The following DCHS2 variants were observed in gnomAD, a reference collection of about 807,000 sequenced individuals.
DCHS2 encodes the protein protocadherin-23.
DCHS2 carries 142 observed loss-of-function variants against 182.4 expected under a neutral mutation model. The observed-to-expected ratio is 0.78, with a 90% CI of 0.68 to 0.89. The LOEUF is 0.89. Among genes scored for constraint, DCHS2 ranks in the 40% least tolerant of loss-of-function variants. The pLI is 0.00. For synonymous variants in DCHS2, 1,740 were observed against 1,663.3 expected (o/e 1.05, Z -1.12); for missense variants, 4,319 against 4,198.6 (o/e 1.03, Z -0.79).
intron 1 of DCHS2, 47 bp downstream of exon 1, chr4:154,489,257 A>T (rs13121403): frequency 3.7e-5 from 53 of 1,418,798 alleles, no homozygotes; most frequent in Non-Finnish European, 4.6e-5. Flanking sequence ...AACCCTCTCC[A>T]TCCCTTCCCA....
At chr4:154,262,034 G>C (rs1733010429) in intron 14 of DCHS2, 1 of 152,178 alleles carries the variant, frequency 6.6e-6, no homozygotes, top group Non-Finnish European at 1.5e-5. Context: ...CCACCAAAAA[G>C]AGCACTTGCC....
intron 1 of DCHS2, among the ~76,000 whole-genome samples, chr4:154,422,039 G>A (rs541719171): frequency 6.6e-6 from 1 of 152,022 alleles, no homozygotes; most frequent in South Asian, 2.1e-4. Flanking sequence ...AAGTTTCTTC[G>A]CCTAATTTCA....
intron 14 of DCHS2, among the ~76,000 whole-genome samples, chr4:154,263,020 CAG>C (rs1733060533): frequency 2.0e-5 from 3 of 152,270 alleles, no homozygotes; most frequent in South Asian, 4.1e-4. Flanking sequence ...TGACAGAAAA[CAG>C]AGTTCTCATC....
chr4:154,323,126 A>G, intron 7 of DCHS2: 1 of 1,425,734 alleles, frequency 7.0e-7, no homozygotes, highest in Non-Finnish European at 9.3e-7. Flanking sequence ...TTGTATCCTG[A>G]CATTTTCCAT....
intron 1 of DCHS2, among the ~76,000 whole-genome samples, chr4:154,389,486 G>C (rs1731571721): frequency 8.9e-6 from 1 of 112,482 alleles, no homozygotes; most frequent in Non-Finnish European, 2.0e-5. Flanking sequence ...ATGTATTGCT[G>C]TCTCTATGTT....
intron 16 of DCHS2, among the ~76,000 whole-genome samples, chr4:154,254,306 A>C (rs1732537905): frequency 6.6e-6 from 1 of 152,200 alleles, no homozygotes. Context: ...TTCTTCCAGA[A>C]GCATTCTCAA....
chr4:154,308,739 A>G (rs1385913676), intron 10 of DCHS2, among the ~76,000 whole-genome samples: 1 of 152,186 alleles, frequency 6.6e-6, no homozygotes, highest in African/African-American at 2.4e-5. Context: ...ATAAAGAGTG[A>G]TCTTAGGTGC....
intron 3 of DCHS2, chr4:154,354,849 C>A (rs1045978509): frequency 2.0e-5 from 3 of 152,032 alleles, no homozygotes; most frequent in African/African-American, 7.2e-5. Context: ...GCGAGTATGA[C>A]AACAAAGCAC....
intron 1 of DCHS2, among the ~76,000 whole-genome samples, chr4:154,441,406 C>T (rs1734006572): frequency 6.6e-6 from 1 of 152,074 alleles, no homozygotes; most frequent in African/African-American, 2.4e-5. Flanking sequence ...TTTCCCCAAC[C>T]TTCTTAAATC....
intron 2 of DCHS2, 129 bp downstream of exon 2, chr4:154,377,124 C>G: frequency 1.2e-6 from 1 of 856,894 alleles, no homozygotes; most frequent in East Asian, 2.7e-5. Context: ...AAAACTTCAG[C>G]AAAGGAAAGA....
chr4:154,327,771 A>G (rs1306428716), intron 7 of DCHS2, among the ~76,000 whole-genome samples: 1 of 152,146 alleles, frequency 6.6e-6, no homozygotes, highest in African/African-American at 2.4e-5. Flanking sequence ...ACCAATTCTT[A>G]TCCCCTAACT....
At chr4:154,389,615 T>C (rs1446167363) in intron 1 of DCHS2, among the ~76,000 whole-genome samples, 4 of 150,872 alleles carry the variant, frequency 2.7e-5, no homozygotes, top group Non-Finnish European at 4.4e-5. Context: ...GACTTTATAT[T>C]TTACAAAAAT....
chr4:154,393,539 T>C (rs1188045694), intron 1 of DCHS2, among the ~76,000 whole-genome samples: 1 of 152,218 alleles, frequency 6.6e-6, no homozygotes. Flanking sequence ...CATCCCAATG[T>C]CATAAGTGCT....
chr4:154,249,311 C>G (rs1732234592), intron 16 of DCHS2, among the ~76,000 whole-genome samples: 1 of 152,076 alleles, frequency 6.6e-6, no homozygotes, highest in African/African-American at 2.4e-5. Flanking sequence ...GACACAGAAG[C>G]AGCCAACAAA....
intron 1 of DCHS2, among the ~76,000 whole-genome samples, chr4:154,422,446 G>A (rs1733149848): frequency 6.6e-6 from 1 of 152,044 alleles, no homozygotes. Flanking sequence ...AAGTTCTATT[G>A]CCTCTACATT....
intron 7 of DCHS2, chr4:154,322,792 G>A (rs1234755029): frequency 2.6e-5 from 7 of 265,844 alleles, no homozygotes; most frequent in South Asian, 1.6e-4. Flanking sequence ...TATATACTTC[G>A]CTTCTCCCAT....
intron 3 of DCHS2, among the ~76,000 whole-genome samples, chr4:154,357,932 TG>T (rs1340566941): frequency 6.6e-6 from 1 of 152,158 alleles, no homozygotes; most frequent in Non-Finnish European, 1.5e-5. Context: ...ATTTCTCAGG[TG>T]AGAATCAGAC....
chr4:154,242,494 TTTG>T, intron 17 of DCHS2, 145 bp downstream of exon 17: 1 of 1,198,270 alleles, frequency 8.3e-7, no homozygotes. Flanking sequence ...CATCCATTTT[TTTG>T]TTCTGCAAAA....
In DCHS2 at chr4:154,257,913, T is replaced by C. The variant is rs574000981; in HGVS notation, c.6789+1632A>G. Among the ~76,000 whole-genome samples, 16 of 152,322 alleles carry C rather than the reference T, an allele frequency of 1.1e-4. No homozygotes were observed. In the South Asian group the frequency reaches 1.4e-3, roughly 14 times the overall value. ...TCTCATTCAGTGCACCTGGGCTTTA[T>C]ATGGGTCTTTGCCTTCACTTATTTC... is the stretch of plus-strand genomic sequence containing the variant. On this transcript the variant is annotated intron_variant, in intron 15 of 19. Coordinates refer to ENST00000357232, the MANE Select transcript of DCHS2 (RefSeq NM_001358235.2).
Sources: gnomAD v4.1 joint callset for allele counts (sites outside exome capture counted in the v4.1 genomes callset) on GRCh38, gnomAD v4.1.1 for gene constraint, MANE v1.5 for transcripts, NCBI Gene and HGNC (gene_info 2026-07-23, HGNC 2026-07-21) for gene names.